The following SLCO6A1 variants were observed in gnomAD, a reference collection of about 807,000 sequenced individuals.
SLCO6A1 encodes solute carrier organic anion transporter family member 6A1.
A neutral mutation model predicts 72.7 loss-of-function variants in SLCO6A1; 65 were observed. The ratio of observed to expected loss-of-function variants is 0.89; its 90% CI spans 0.73 to 1.10. The LOEUF (loss-of-function observed/expected upper bound fraction) is 1.10. Among genes scored for constraint, SLCO6A1 ranks in the 50% least tolerant of loss-of-function variants. The probability of loss-of-function intolerance (pLI) is 0.00; values close to 1 mark genes in which losing one functional copy is unlikely to be tolerated. For missense variants in SLCO6A1, 874 were observed against 872.6 expected (o/e 1.00, Z -0.02); for synonymous variants, 314 against 298.2 (o/e 1.05, Z -0.55).
chr5:102,385,185 G>T (rs1332482365), intron 12 of SLCO6A1, among the ~76,000 whole-genome samples: 2 of 152,042 alleles, frequency 1.3e-5, no homozygotes, highest in African/African-American at 4.8e-5. Flanking sequence ...TCTTATAGAG[G>T]TTCCCCTATA....
rs1191034457 is a variant in SLCO6A1 at position 102,475,781 on chromosome 5, C to A, written c.815G>T (p.Cys272Phe). ...CAGAGCATATCCAATCATTGATGTA[C>A]ATTCTGCAATACCTGTAAAATAAGC... ...SAGIYLGIAECTSMIGYALGY... is the reference protein window; with the variant it reads ...SAGIYLGIAEFTSMIGYALGY... Residue 272 changes from cysteine to phenylalanine, a missense_variant, in exon 4 of 14, where the codon TGT becomes TTT. Physicochemically the swap from Cys to Phe is radical, Grantham distance 205. Transcript: ENST00000506729. 1 of 1,606,336 alleles carries A rather than the reference C, an allele frequency of 6.2e-7. No homozygotes were observed. The highest frequency in any genetic ancestry group is 8.5e-7 in the Non-Finnish European group (1 of 1,175,988).
At chr5:102,395,373 T>A (rs1027461446) in intron 10 of SLCO6A1, among the ~76,000 whole-genome samples, 1 of 152,138 alleles carries the variant, frequency 6.6e-6, no homozygotes, top group Admixed American at 6.5e-5. Flanking sequence ...CATGAACTCA[T>A]CCTTTTTTAT....
chr5:102,391,056 A>ATAG lies in SLCO6A1; in HGVS notation c.1815-14_1815-12dup. 2.5e-6 allele frequency: 4 copies of ATAG among 1,609,236 alleles called. No individual in the cohort carries two copies. The highest frequency in any genetic ancestry group is 2.6e-6 in the Non-Finnish European group (3 of 1,175,630). ...TTGTCAGGTACAACCCTGAAAGTAA[A>ATAG]TAGCAATGATATAATCAGCACATCA... On this transcript the variant is annotated splice_polypyrimidine_tract_variant and intron_variant, in intron 10 of 13. Coordinates refer to ENST00000506729, the MANE Select transcript of SLCO6A1 (RefSeq NM_173488.5).
chr5:102,416,986 A>C (rs1580386094), intron 8 of SLCO6A1, among the ~76,000 whole-genome samples: 1 of 152,122 alleles, frequency 6.6e-6, no homozygotes, highest in East Asian at 1.9e-4. Flanking sequence ...CTATAGCTGT[A>C]AATGTCTTCA....
intron 10 of SLCO6A1, among the ~76,000 whole-genome samples, chr5:102,398,969 A>G (rs1405399013): frequency 6.6e-6 from 1 of 152,076 alleles, no homozygotes; most frequent in African/African-American, 2.4e-5. Flanking sequence ...CACGCCTTAA[A>G]GTTTTTTGTT....
chr5:102,407,521 G>T (rs1291505003), intron 9 of SLCO6A1, among the ~76,000 whole-genome samples: 1 of 152,178 alleles, frequency 6.6e-6, no homozygotes, highest in East Asian at 1.9e-4. Context: ...CAATATTGGA[G>T]CTCATCTGCC....
intron 2 of SLCO6A1, among the ~76,000 whole-genome samples, 149 bp downstream of exon 2, chr5:102,480,024 CAATT>C (rs918200151): frequency 2.0e-5 from 3 of 152,126 alleles, no homozygotes; most frequent in African/African-American, 4.8e-5. Flanking sequence ...TGGAATGCTA[CAATT>C]AGTTAATTAG....
chr5:102,409,605 C>T (rs2112577769), intron 9 of SLCO6A1, among the ~76,000 whole-genome samples: 1 of 152,240 alleles, frequency 6.6e-6, no homozygotes, highest in South Asian at 2.1e-4. Flanking sequence ...TCTATCAAAG[C>T]CATTTTTCCT....
intron 6 of SLCO6A1, among the ~76,000 whole-genome samples, chr5:102,456,936 G>A (rs531989338): frequency 0.029 from 4,487 of 152,168 alleles, 209 homozygotes; most frequent in African/African-American, 0.1. Context: ...AGAGCCCTCA[G>A]AAATAATGCC....
intron 7 of SLCO6A1, among the ~76,000 whole-genome samples, chr5:102,421,162 C>A (rs952593145): frequency 5.9e-5 from 9 of 152,092 alleles, no homozygotes; most frequent in Admixed American, 5.9e-4. Flanking sequence ...ACCACCAGGG[C>A]CCTGGGTTTC....
chr5:102,475,841 G>C (rs368918330), intron 3 of SLCO6A1, 48 bp from the exon 4 acceptor site: 5 of 1,398,422 alleles, frequency 3.6e-6, no homozygotes, highest in African/African-American at 2.9e-5. Flanking sequence ...TCATAAGCCA[G>C]CTTCGTTATG....
intron 4 of SLCO6A1, among the ~76,000 whole-genome samples, chr5:102,468,636 T>C (rs2112791992): frequency 6.6e-6 from 1 of 152,238 alleles, no homozygotes; most frequent in South Asian, 2.1e-4. Context: ...TTTTGTCTGA[T>C]ATAAGAATAG....
chr5:102,414,471 A>G (rs1478040241), intron 8 of SLCO6A1, among the ~76,000 whole-genome samples: 2 of 152,226 alleles, frequency 1.3e-5, no homozygotes, highest in East Asian at 3.8e-4. Context: ...ATACAATCTT[A>G]GGCCTAGAAA....
Position 102,480,420 on chromosome 5 carries a change from G to A in SLCO6A1, c.373C>T (p.Leu125Phe), listed in dbSNP as rs747437278. 1 of 1,611,106 alleles carries A rather than the reference G, an allele frequency of 6.2e-7. No individual in the cohort carries two copies. The highest frequency in any genetic ancestry group is 8.5e-7 in the Non-Finnish European group (1 of 1,178,776). The change falls in exon 2 of 14, where the codon CTT (leucine) becomes TTT (phenylalanine). Residue 125 changes from leucine (L) to phenylalanine (F), a missense_variant. By Grantham distance (22) the Leu-to-Phe change is conservative. Coordinates refer to ENST00000506729, the MANE Select transcript of SLCO6A1 (RefSeq NM_173488.5). ...LLICQGVVFGLIDVSIGDFQK... is the reference protein window; with the variant it reads ...LLICQGVVFGFIDVSIGDFQK... ...AAATCGCCAATGCTGACATCTATAA[G>A]ACCAAACACCACACCTAAAATGTAA...
At chr5:102,492,119 G>GC (rs1190736995) in intron 1 of SLCO6A1, among the ~76,000 whole-genome samples, 3 of 152,162 alleles carry the variant, frequency 2.0e-5, no homozygotes, top group Non-Finnish European at 2.9e-5. Flanking sequence ...GGGGAAGTCT[G>GC]CCCCCGTGAT....
At chr5:102,491,855 G>A (rs1324632537) in intron 1 of SLCO6A1, among the ~76,000 whole-genome samples, 3 of 152,288 alleles carry the variant, frequency 2.0e-5, no homozygotes, top group Non-Finnish European at 2.9e-5. Flanking sequence ...CAAGGCGGAG[G>A]AGGTGCAGAG....
intron 8 of SLCO6A1, 81 bp downstream of exon 8, chr5:102,419,745 C>T: frequency 9.2e-7 from 1 of 1,091,158 alleles, no homozygotes; most frequent in Non-Finnish European, 1.3e-6. Context: ...ATAAGGGTTA[C>T]TGGATAGATA....
chr5:102,458,403 C>T lies in SLCO6A1; in HGVS notation c.1110G>A (p.Lys370=). ...LKDLKLGTNI[K]DLCAALWILM... ...TTACCCAAAGAGCAGCACATAAATC[C>T]TTGATATTAGTTCCAAGTTTCAGAT... Residue 370 remains lysine, a synonymous_variant, in exon 6 of 14, where the codon AAG becomes AAA. Coordinates refer to ENST00000506729, the MANE Select transcript of SLCO6A1 (RefSeq NM_173488.5). The T allele has an allele frequency of 6.2e-7, 1 of 1,611,474 alleles. No homozygotes were observed. The highest frequency in any genetic ancestry group is 8.5e-7 in the Non-Finnish European group (1 of 1,178,556).
intron 6 of SLCO6A1, among the ~76,000 whole-genome samples, chr5:102,457,084 C>A (rs1750763331): frequency 6.6e-6 from 1 of 152,090 alleles, no homozygotes; most frequent in South Asian, 2.1e-4. Context: ...TTCCTTACAC[C>A]TTATACAAAA....
Sources: allele counts gnomAD v4.1 joint callset (sites outside exome capture counted in the v4.1 genomes callset), GRCh38; gene constraint gnomAD v4.1.1; transcripts MANE v1.5; gene names NCBI Gene and HGNC (gene_info 2026-07-23, HGNC 2026-07-21).